Variants in ZMYM2 observed in about 807,000 individuals in gnomAD.
ZMYM2 encodes the protein zinc finger MYM-type protein 2.
In ZMYM2, 56 loss-of-function variants were observed where a neutral mutation model predicts 162.8. That is an observed-to-expected ratio of 0.34 (90% CI 0.28 to 0.43). The LOEUF (loss-of-function observed/expected upper bound fraction) is 0.43, where lower values mean the gene tolerates loss of function less well. Ranked by LOEUF, ZMYM2 falls within the 20% of genes least tolerant of loss-of-function variation. ZMYM2 has a pLI of 1.00. For missense variants in ZMYM2, 1,275 were observed against 1,621.8 expected (o/e 0.79, Z 3.67); for synonymous variants, 510 against 541.6 (o/e 0.94, Z 0.81).
intron 2 of ZMYM2, among the ~76,000 whole-genome samples, chr13:19,991,626 T>TTC (rs1287383953): frequency 1.4e-5 from 2 of 148,144 alleles, no homozygotes; most frequent in African/African-American, 5.0e-5. Context: ...TTCTTTTTCT[T>TTC]TTTTTTTTTT....
chr13:19,889,166 T>C, the ZMYM2 span, among the ~76,000 whole-genome samples: 1 of 151,936 alleles, frequency 6.6e-6, no homozygotes, highest in Non-Finnish European at 1.5e-5. Context: ...GCTGGTTAGT[T>C]TTGAGAGCTT....
the ZMYM2 span, among the ~76,000 whole-genome samples, chr13:19,885,961 A>ACACATATATATGTATATACACACATATG: frequency 9.1e-5 from 3 of 33,136 alleles, 1 homozygote; most frequent in Non-Finnish European, 2.6e-4. Context: ...ACACATATAT[A>ACACATATATATGTATATACACACATATG]TGTGTATACA....
chr13:19,964,823 TG>T (rs1955593409), intron 2 of ZMYM2, among the ~76,000 whole-genome samples: 2 of 152,146 alleles, frequency 1.3e-5, no homozygotes, highest in African/African-American at 4.8e-5. Flanking sequence ...TCCATAAAAA[TG>T]TTTTTTTATA....
At chr13:19,992,571 C>G (rs1319536222) in intron 2 of ZMYM2, among the ~76,000 whole-genome samples, 1 of 151,462 alleles carries the variant, frequency 6.6e-6, no homozygotes, top group African/African-American at 2.4e-5. Flanking sequence ...CCCCACCCCC[C>G]AAAAAAGATG....
At chr13:19,900,108 C>G in the ZMYM2 span, among the ~76,000 whole-genome samples, 1 of 152,018 alleles carries the variant, frequency 6.6e-6, no homozygotes, top group Admixed American at 6.6e-5. Flanking sequence ...GAGTTCGAGA[C>G]CAGCCAACAT....
At chr13:19,888,899 A>G in the ZMYM2 span, among the ~76,000 whole-genome samples, 2 of 151,930 alleles carry the variant, frequency 1.3e-5, no homozygotes, top group Non-Finnish European at 2.9e-5. Flanking sequence ...TGCCTGGCCT[A>G]TTATTTATTT....
At chr13:20,040,844 C>T (rs1954183349) in intron 12 of ZMYM2, among the ~76,000 whole-genome samples, 1 of 152,134 alleles carries the variant, frequency 6.6e-6, no homozygotes, top group Non-Finnish European at 1.5e-5. Flanking sequence ...TGGTTTCTGC[C>T]TTAATCTCAT....
At chr13:19,883,009 A>C in the ZMYM2 span, among the ~76,000 whole-genome samples, 1 of 152,198 alleles carries the variant, frequency 6.6e-6, no homozygotes, top group Non-Finnish European at 1.5e-5. Context: ...CTGCATATCC[A>C]TTAATGGACG....
the ZMYM2 span, among the ~76,000 whole-genome samples, chr13:19,929,209 T>C: frequency 6.6e-6 from 1 of 152,002 alleles, no homozygotes; most frequent in Admixed American, 6.6e-5. Context: ...TTTATTTTTA[T>C]TGTTCAGATA....
intron 17 of ZMYM2, among the ~76,000 whole-genome samples, chr13:20,061,828 A>G (rs1447721250): frequency 6.6e-6 from 1 of 151,602 alleles, no homozygotes; most frequent in African/African-American, 2.4e-5. Context: ...ACCTCAGGTG[A>G]TCCACCTGCT....
At chr13:19,936,443 C>T in the ZMYM2 span, among the ~76,000 whole-genome samples, 2 of 152,126 alleles carry the variant, frequency 1.3e-5, no homozygotes, top group East Asian at 1.9e-4. Flanking sequence ...GAGAACAGGC[C>T]GGGCATGGTG....
At chr13:20,047,019 A>G (rs983235014) in intron 12 of ZMYM2, among the ~76,000 whole-genome samples, 2 of 152,192 alleles carry the variant, frequency 1.3e-5, no homozygotes, top group African/African-American at 4.8e-5. Flanking sequence ...AGATCTTTGT[A>G]TAATATACAT....
At chr13:20,016,132 A>G (rs764166587) in intron 6 of ZMYM2, among the ~76,000 whole-genome samples, 9 of 151,508 alleles carry the variant, frequency 5.9e-5, no homozygotes, top group Non-Finnish European at 1.0e-4. Flanking sequence ...ATTGTAGTGC[A>G]CTGTTTTGAT....
chr13:20,076,329 C>T (rs61952386), intron 21 of ZMYM2, among the ~76,000 whole-genome samples: 1 of 150,510 alleles, frequency 6.6e-6, no homozygotes, highest in Non-Finnish European at 1.5e-5. Context: ...TCCCCTCCTG[C>T]CCCACACAAA....
intron 3 of ZMYM2, 69 bp from the exon 4 acceptor site, chr13:20,002,781 G>A (rs1950490423): frequency 6.6e-7 from 1 of 1,526,418 alleles, no homozygotes; most frequent in Non-Finnish European, 8.8e-7. Flanking sequence ...ATATTTCTCT[G>A]ATATAAATTT....
intron 6 of ZMYM2, among the ~76,000 whole-genome samples, chr13:20,009,984 A>G (rs369961125): frequency 1.3e-5 from 2 of 152,308 alleles, no homozygotes; most frequent in South Asian, 2.1e-4. Flanking sequence ...AGAATTGTCA[A>G]ACTATTTTAC....
the ZMYM2 span, among the ~76,000 whole-genome samples, chr13:19,907,643 T>A: frequency 6.6e-6 from 1 of 150,406 alleles, no homozygotes; most frequent in Admixed American, 6.7e-5. Flanking sequence ...GTGCCTGTAA[T>A]CCCAGTTACT....
At chr13:19,970,892 T>C (rs1372029660) in intron 2 of ZMYM2, among the ~76,000 whole-genome samples, 3 of 152,076 alleles carry the variant, frequency 2.0e-5, no homozygotes, top group African/African-American at 7.2e-5. Context: ...GTGGAGTGTT[T>C]GATGCAGGAG....
chr13:19,987,558 C>T (rs554346304), intron 2 of ZMYM2, among the ~76,000 whole-genome samples: 77 of 150,444 alleles, frequency 5.1e-4, no homozygotes, highest in Admixed American at 6.0e-4. Flanking sequence ...GCACCGCACC[C>T]GGGCGCCCCG....
Sources: gnomAD v4.1 joint callset for allele counts (sites outside exome capture counted in the v4.1 genomes callset) on GRCh38, gnomAD v4.1.1 for gene constraint, MANE v1.5 for transcripts, NCBI Gene and HGNC (gene_info 2026-07-23, HGNC 2026-07-21) for gene names.